The following BTRC variants were observed in gnomAD, a reference collection of about 807,000 sequenced individuals.
The protein encoded by BTRC is beta-transducin repeat containing E3 ubiquitin protein ligase.
BTRC carries 42 observed loss-of-function variants against 85.5 expected under a neutral mutation model. That is an observed-to-expected ratio of 0.49 (90% CI 0.38 to 0.64). BTRC has a LOEUF of 0.64. Among genes scored for constraint, BTRC ranks in the 30% least tolerant of loss-of-function variants. The pLI is 0.00. For synonymous variants in BTRC, 255 were observed against 263.3 expected (o/e 0.97, Z 0.30); for missense variants, 594 against 743.5 (o/e 0.80, Z 2.34).
At chr10:101,386,978 C>G (rs1331722884) in intron 1 of BTRC, among the ~76,000 whole-genome samples, 1 of 152,120 alleles carries the variant, frequency 6.6e-6, no homozygotes, top group African/African-American at 2.4e-5. Context: ...GATTCCGTTT[C>G]ACTTTTTTCC....
rs1418566237 is a variant in BTRC at position 101,366,982 on chromosome 10, ATT to A, written c.48+12756_48+12757del. The stretch of plus-strand genomic sequence containing the variant: ...TATTTATATAAATATATATTTATAT[ATT>A]TATATATATTAATATATATATTTAT... On this transcript the variant is annotated intron_variant, in intron 1 of 14. Coordinates refer to ENST00000370187, the MANE Select transcript of BTRC (RefSeq NM_033637.4). Among the ~76,000 whole-genome samples the A allele has an allele frequency of 1.3e-4, 9 of 70,610 alleles. 2 individuals carry two copies. The highest frequency in any genetic ancestry group is 3.2e-4 in the South Asian group (1 of 3,122). 46.3% of individuals were successfully genotyped at this position (70,610 alleles called of 152,430 possible). A position where few individuals can be genotyped will look rare whatever the true frequency, so the allele number is the denominator to read the frequency against.
chr10:101,432,300 A>G (rs191406353), intron 2 of BTRC, among the ~76,000 whole-genome samples: 7 of 150,228 alleles, frequency 4.7e-5, no homozygotes, highest in East Asian at 2.0e-4. Flanking sequence ...TCATTTTTCT[A>G]TTTTTTTTGT....
intron 1 of BTRC, among the ~76,000 whole-genome samples, chr10:101,362,153 G>A (rs531087647): frequency 1.3e-5 from 2 of 151,734 alleles, no homozygotes; most frequent in South Asian, 4.2e-4. Context: ...TAGGGATGGG[G>A]TTTCACCATG....
chr10:101,542,867 G>GT (rs1453765676), intron 13 of BTRC, among the ~76,000 whole-genome samples: 7 of 151,832 alleles, frequency 4.6e-5, no homozygotes, highest in Non-Finnish European at 1.0e-4. Context: ...CTGCTTCATG[G>GT]TTTTTTTTGT....
At chr10:101,385,618 C>CTTTCTTTTTTTTTTT (rs1943053130) in intron 1 of BTRC, among the ~76,000 whole-genome samples, 1 of 79,810 alleles carries the variant, frequency 1.3e-5, no homozygotes, top group African/African-American at 4.4e-5. Context: ...TCTTCTTCTT[C>CTTTCTTTTTTTTTTT]TTTTTTTTTT....
chr10:101,354,744 G>A (rs1941985131), intron 1 of BTRC: 1 of 157,900 alleles, frequency 6.3e-6, no homozygotes, highest in African/African-American at 2.4e-5. Context: ...GGGAACGCTA[G>A]GGCTGGTGAG....
At chr10:101,531,581 C>A (rs1428190161) in intron 7 of BTRC, among the ~76,000 whole-genome samples, 1 of 151,998 alleles carries the variant, frequency 6.6e-6, no homozygotes, top group African/African-American at 2.4e-5. Context: ...ATTAGCCAGG[C>A]ATGGTGGCAC....
At chr10:101,501,001 C>A (rs1946386076) in intron 4 of BTRC, among the ~76,000 whole-genome samples, 1 of 152,114 alleles carries the variant, frequency 6.6e-6, no homozygotes, top group South Asian at 2.1e-4. Flanking sequence ...TCAAGACCAG[C>A]CTGGCCAACA....
chr10:101,527,761 G>GTCTCTCTCTC (rs5787436), intron 6 of BTRC, among the ~76,000 whole-genome samples: 1 of 142,404 alleles, frequency 7.0e-6, no homozygotes, highest in Admixed American at 7.2e-5. Flanking sequence ...CTCTTTCTCT[G>GTCTCTCTCTC]TCTCTCTCTC....
At chr10:101,442,799 AAATAAGGTGTTAC>A (rs1250626574) in intron 2 of BTRC, among the ~76,000 whole-genome samples, 4 of 152,144 alleles carry the variant, frequency 2.6e-5, no homozygotes, top group African/African-American at 9.7e-5. Context: ...TGGTTGTTAG[AAATAAGGTGTTAC>A]CAGATTTTGC....
intron 1 of BTRC, among the ~76,000 whole-genome samples, chr10:101,381,002 C>T (rs1363439552): frequency 2.6e-5 from 4 of 152,044 alleles, no homozygotes; most frequent in African/African-American, 7.3e-5. Flanking sequence ...AGAAAGGGTA[C>T]GGTAAAAATA....
In BTRC at chr10:101,533,041, C is replaced by T. The variant is rs763215998; in HGVS notation, c.1068C>T (p.Ile356=). Reference sequence around the variant, plus strand: ...GTCTCCAGTATGATGAGAGAGTGATCATAACAGGATCATCGGATTCCACGG... The same window carrying T: ...GTCTCCAGTATGATGAGAGAGTGATTATAACAGGATCATCGGATTCCACGG... The part of the protein sequence containing the change: ...VLCLQYDERV[I]ITGSSDSTVR... Residue 356 remains isoleucine (I), a synonymous_variant, in exon 9 of 15, where the codon ATC becomes ATT. Coordinates refer to ENST00000370187, the MANE Select transcript of BTRC (RefSeq NM_033637.4). 3.1e-6 allele frequency: 5 copies of T among 1,612,702 alleles called. No homozygotes were observed. The South Asian group carries it at 3.3e-5, about 11-fold the overall frequency.
chr10:101,482,482 G>A (rs1213877427), intron 4 of BTRC, among the ~76,000 whole-genome samples: 1 of 137,170 alleles, frequency 7.3e-6, no homozygotes, highest in African/African-American at 2.7e-5. Flanking sequence ...TGCAAGCTCC[G>A]CCTCCCGGTT....
intron 3 of BTRC, among the ~76,000 whole-genome samples, chr10:101,472,448 G>T (rs983729976): frequency 2.0e-5 from 3 of 152,014 alleles, no homozygotes; most frequent in Non-Finnish European, 4.4e-5. Flanking sequence ...GGGATTATAG[G>T]CATGAGCCAC....
At chr10:101,417,572 A>G (rs1943980551) in intron 1 of BTRC, among the ~76,000 whole-genome samples, 1 of 152,192 alleles carries the variant, frequency 6.6e-6, no homozygotes. Flanking sequence ...CCACTATAGA[A>G]TTAACTTTAT....
chr10:101,417,454 T>C (rs1463744685), intron 1 of BTRC, among the ~76,000 whole-genome samples: 1 of 152,110 alleles, frequency 6.6e-6, no homozygotes, highest in Non-Finnish European at 1.5e-5. Context: ...ATCACAGAGG[T>C]GATGTTGTGT....
rs1414453315 is a variant in BTRC, at chr10:101,522,364, AAACAAAAAAAAAC to A, written c.556+497_556+509del. ...TGGTATAAAGCTTTAAAAAAAAAAAAAACAAAAAAAAACAAAAAAAAAAAAACTCTAGAAATAA... is the reference window on the plus strand; with the variant it reads ...TGGTATAAAGCTTTAAAAAAAAAAAAAAAAAAAAAAAAACTCTAGAAATAA... On this transcript the variant is annotated intron_variant, in intron 5 of 14. Transcript: ENST00000370187. 1.4e-3 allele frequency among the ~76,000 whole-genome samples: 100 copies of A among 73,028 alleles called. 10 individuals carry two copies. Among genetic ancestry groups the A allele is most frequent in the South Asian group, 2.9e-3 (7 of 2,448 alleles). 47.9% of individuals were successfully genotyped at this position (73,028 alleles called of 152,430 possible).
intron 1 of BTRC, among the ~76,000 whole-genome samples, chr10:101,389,117 G>GTTTTTTTT (rs1169198314): frequency 3.0e-4 from 16 of 53,026 alleles, no homozygotes; most frequent in East Asian, 1.1e-3. Flanking sequence ...TTTTTTGTGT[G>GTTTTTTTT]TGTTTTTTTT....
chr10:101,526,091 G>T lies in BTRC; in HGVS notation c.635G>T (p.Cys212Phe). ...AKSLCAAELV[C>F]KEWYRVTSDG... ...TCACTATGTGCTGCTGAACTTGTGT[G>T]CAAGGAATGGTACCGAGTGACCTCT... The change falls in exon 6 of 15, where the codon TGC (cysteine) becomes TTC (phenylalanine). Residue 212 changes from cysteine to phenylalanine, a missense_variant. By Grantham distance (205) the Cys-to-Phe change is radical. Transcript: ENST00000370187. 1 of 1,614,162 alleles carries T rather than the reference G, an allele frequency of 6.2e-7. No individual in the cohort carries two copies. Among genetic ancestry groups the T allele is most frequent in the Non-Finnish European group, 8.5e-7 (1 of 1,180,028 alleles).
Sources: allele counts gnomAD v4.1 joint callset (sites outside exome capture counted in the v4.1 genomes callset), GRCh38; gene constraint gnomAD v4.1.1; transcripts MANE v1.5; gene names NCBI Gene and HGNC (gene_info 2026-07-23, HGNC 2026-07-21).